The following ZNF804B variants were observed in gnomAD, a reference collection of about 807,000 sequenced individuals.
ZNF804B encodes the protein zinc finger 804B.
ZNF804B carries 80 observed loss-of-function variants against 101.4 expected under a neutral mutation model. The ratio of observed to expected loss-of-function variants is 0.79; its 90% CI spans 0.66 to 0.95. The LOEUF (loss-of-function observed/expected upper bound fraction) is 0.95, where lower values mean the gene tolerates loss of function less well. Among genes scored for constraint, ZNF804B ranks in the 40% least tolerant of loss-of-function variants. The pLI, the probability that ZNF804B is intolerant of heterozygous loss-of-function variation, is 0.00. For synonymous variants in ZNF804B, 622 were observed against 558.8 expected (o/e 1.11, Z -1.59); for missense variants, 1,673 against 1,561.9 (o/e 1.07, Z -1.20).
At chr7:88,854,476 T>TTTCTTTCTCTTTCATTTCCTTTC in intron 1 of ZNF804B, among the ~76,000 whole-genome samples, 1 of 48,762 alleles carries the variant, frequency 2.1e-5, no homozygotes, top group East Asian at 5.8e-4. Context: ...TCTTTCTTTC[T>TTTCTTTCTCTTTCATTTCCTTTC]CTTTCCTTTC....
chr7:88,918,400 G>A (rs1345947341), intron 1 of ZNF804B, among the ~76,000 whole-genome samples: 1 of 152,030 alleles, frequency 6.6e-6, no homozygotes, highest in Non-Finnish European at 1.5e-5. Flanking sequence ...GAGCATTGCC[G>A]GCTGGTTCAA....
At chr7:89,122,292 A>G (rs1790418801) in intron 1 of ZNF804B, among the ~76,000 whole-genome samples, 1 of 152,192 alleles carries the variant, frequency 6.6e-6, no homozygotes, top group African/African-American at 2.4e-5. Flanking sequence ...CACATGCTAC[A>G]TAGCTCATGT....
chr7:88,823,761 G>A (rs1363233770), intron 1 of ZNF804B, among the ~76,000 whole-genome samples: 1 of 152,126 alleles, frequency 6.6e-6, no homozygotes, highest in Non-Finnish European at 1.5e-5. Flanking sequence ...CTCACTGATG[G>A]CTGGACACTA....
chr7:88,839,455 A>G (rs1032752495), intron 1 of ZNF804B, among the ~76,000 whole-genome samples: 1 of 152,028 alleles, frequency 6.6e-6, no homozygotes, highest in Non-Finnish European at 1.5e-5. Flanking sequence ...GTAGAGTAAT[A>G]TGCTCAATGT....
chr7:88,877,018 AT>A lies in ZNF804B; in HGVS notation c.108+116935del, dbSNP rs1255625557. Among the ~76,000 whole-genome samples, 520 of 78,518 alleles carry A rather than the reference AT, an allele frequency of 6.6e-3. 11 individuals carry two copies. Among genetic ancestry groups the A allele is most frequent in the East Asian group, 0.031 (76 of 2,484 alleles). The allele number at this position is 78,518 out of a possible 152,430, so 51.5% of individuals were successfully genotyped here. On this transcript the variant is annotated intron_variant, in intron 1 of 3. Transcript: ENST00000333190. The stretch of plus-strand genomic sequence containing the variant: ...TATTTGAAAAAAAAAATATATATAT[AT>A]ATATATAATATATATATATATATAT...
chr7:89,208,774 A>G (rs1788756841), intron 1 of ZNF804B, among the ~76,000 whole-genome samples: 1 of 152,102 alleles, frequency 6.6e-6, no homozygotes, highest in Non-Finnish European at 1.5e-5. Flanking sequence ...GCACTTTGAG[A>G]GGCCGAGGTG....
intron 1 of ZNF804B, among the ~76,000 whole-genome samples, chr7:88,832,232 A>G (rs1791144694): frequency 6.6e-6 from 1 of 151,926 alleles, no homozygotes; most frequent in Non-Finnish European, 1.5e-5. Context: ...AACAATTATC[A>G]TAATCATTTG....
At chr7:89,181,131 A>G (rs922673728) in intron 1 of ZNF804B, among the ~76,000 whole-genome samples, 1 of 151,532 alleles carries the variant, frequency 6.6e-6, no homozygotes, top group African/African-American at 2.4e-5. Context: ...GTCTCTTCCT[A>G]AACTGTGAGC....
chr7:89,266,787 T>A (rs1789802063), intron 2 of ZNF804B, among the ~76,000 whole-genome samples: 1 of 152,042 alleles, frequency 6.6e-6, no homozygotes, highest in African/African-American at 2.4e-5. Context: ...ATCAGGTATA[T>A]CATAAAAATA....
At chr7:88,958,609 T>C (rs1793347326) in intron 1 of ZNF804B, among the ~76,000 whole-genome samples, 1 of 151,468 alleles carries the variant, frequency 6.6e-6, no homozygotes, top group Non-Finnish European at 1.5e-5. Flanking sequence ...ACCTTGTGGC[T>C]CACCATATGT....
chr7:89,299,730 A>G (rs1790447451), intron 2 of ZNF804B, among the ~76,000 whole-genome samples: 1 of 151,972 alleles, frequency 6.6e-6, no homozygotes, highest in Non-Finnish European at 1.5e-5. Flanking sequence ...ATTTTGTTTT[A>G]TTTGTCCTAA....
In ZNF804B at chr7:88,854,031, T is replaced by G. The variant is rs192690621; in HGVS notation, c.108+93947T>G. On this transcript the variant is annotated intron_variant, in intron 1 of 3. Coordinates refer to ENST00000333190, the MANE Select transcript of ZNF804B (RefSeq NM_181646.5). ...CATAGTTAATAATATTTTTACTGCGTTTTTCAACTATTTTTAATTCTTTAA... is the reference window on the plus strand; with the variant it reads ...CATAGTTAATAATATTTTTACTGCGGTTTTCAACTATTTTTAATTCTTTAA... Among the ~76,000 whole-genome samples, 140 of 152,256 alleles carry G rather than the reference T, an allele frequency of 9.2e-4. 4 individuals carry two copies. The East Asian group carries it at 0.011, about 12-fold the overall frequency.
intron 2 of ZNF804B, among the ~76,000 whole-genome samples, chr7:89,280,973 A>C (rs1413731183): frequency 6.6e-6 from 1 of 152,156 alleles, no homozygotes; most frequent in Non-Finnish European, 1.5e-5. Flanking sequence ...TTGTTCTACC[A>C]TCAGTGTTTT....
At chr7:89,204,434 A>C (rs755135875) in intron 1 of ZNF804B, among the ~76,000 whole-genome samples, 1 of 152,192 alleles carries the variant, frequency 6.6e-6, no homozygotes, top group Non-Finnish European at 1.5e-5. Context: ...TTTTCTTATC[A>C]TGTTTCACAC....
chr7:88,857,132 G>T (rs10231606), intron 1 of ZNF804B, among the ~76,000 whole-genome samples: 1 of 151,844 alleles, frequency 6.6e-6, no homozygotes, highest in Non-Finnish European at 1.5e-5. Context: ...GGAAATTTAT[G>T]GCACTAAATG....
rs181602299 is a variant in ZNF804B, at chr7:89,250,607, C to T, written c.249+32312C>T. ...CTCATTCTACAAAACCAGCATCCCC[C>T]GATACCAAAACTTGGCAAAGACACA... On this transcript the variant is annotated intron_variant, in intron 2 of 3. Transcript: ENST00000333190. Among the ~76,000 whole-genome samples the T allele has an allele frequency of 3.1e-3, 470 of 152,156 alleles. 4 individuals carry two copies. The highest frequency in any genetic ancestry group is 0.01 in the Middle Eastern group (3 of 294).
Position 89,301,549 on chromosome 7 carries a change from A to G in ZNF804B, c.250-25795A>G, listed in dbSNP as rs75450130. Among the ~76,000 whole-genome samples the G allele has an allele frequency of 6.5e-3, 982 of 151,930 alleles. 10 individuals carry two copies. Among genetic ancestry groups the G allele is most frequent in the African/African-American group, 0.023 (934 of 41,482 alleles). On this transcript the variant is annotated intron_variant, in intron 2 of 3. Coordinates refer to ENST00000333190, the MANE Select transcript of ZNF804B (RefSeq NM_181646.5). Reference sequence around the variant, plus strand: ...TCTCTTTTCTTTTCCTCATGAATGCAATGTTTCAGCTAAAAATAGCTAGTT... The same window carrying G: ...TCTCTTTTCTTTTCCTCATGAATGCGATGTTTCAGCTAAAAATAGCTAGTT...
At chr7:88,798,441 C>G (rs1343597258) in intron 1 of ZNF804B, among the ~76,000 whole-genome samples, 1 of 151,928 alleles carries the variant, frequency 6.6e-6, no homozygotes, top group African/African-American at 2.4e-5. Context: ...TTCTGTAAGT[C>G]AAAAAAGGCA....
At chr7:88,778,743 C>T (rs1179258782) in intron 1 of ZNF804B, among the ~76,000 whole-genome samples, 3 of 152,144 alleles carry the variant, frequency 2.0e-5, no homozygotes, top group Non-Finnish European at 2.9e-5. Context: ...CTCCTATATC[C>T]TGCCAAGGAA....
Sources: allele counts gnomAD v4.1 joint callset (sites outside exome capture counted in the v4.1 genomes callset), GRCh38; gene constraint gnomAD v4.1.1; transcripts MANE v1.5; gene names NCBI Gene and HGNC (gene_info 2026-07-23, HGNC 2026-07-21).